Variants in ADAM28 observed in about 807,000 individuals in gnomAD.
ADAM28 encodes ADAM metallopeptidase domain 28.
A neutral mutation model predicts 101.2 loss-of-function variants in ADAM28; 105 were observed. That is an observed-to-expected ratio of 1.04 (90% CI 0.89 to 1.22). ADAM28 has a LOEUF of 1.22. ADAM28 is among the 50% of genes most tolerant of loss of function. ADAM28 has a pLI of 0.00. For synonymous variants in ADAM28, 322 were observed against 310.6 expected, an observed-to-expected ratio of 1.04 and a Z score of -0.39; for missense variants, 1,028 against 945.4, an observed-to-expected ratio of 1.09 and a Z score of -1.15.
chr8:24,315,413 G>A (rs1811035738), intron 6 of ADAM28, among the ~76,000 whole-genome samples: 1 of 151,894 alleles, frequency 6.6e-6, no homozygotes, highest in South Asian at 2.1e-4. Flanking sequence ...TGATAGCCTA[G>A]AGAAAATAGA....
At chr8:24,345,247 A>G (rs28510930) in intron 18 of ADAM28, among the ~76,000 whole-genome samples, 32,602 of 151,758 alleles carry the variant, frequency 0.21, 4,083 homozygotes, top group East Asian at 0.35. Flanking sequence ...TTTTTCTTCC[A>G]TTGAAGAAAT....
rs752612235 is a variant in ADAM28 at position 24,351,214 on chromosome 8, T to G, written c.2100-18T>G. 6.5e-7 allele frequency: 1 copy of G among 1,538,110 alleles called. No homozygotes were observed. The highest frequency in any genetic ancestry group is 8.7e-7 in the Non-Finnish European group (1 of 1,143,690). Reference sequence around the variant, plus strand: ...GGAGCTGCTAAGTCAATTGATATCATGTGTTTCTCTCTTACAGGCCACTAT... The same window carrying G: ...GGAGCTGCTAAGTCAATTGATATCAGGTGTTTCTCTCTTACAGGCCACTAT... On this transcript the variant is annotated intron_variant, in intron 19 of 22. Transcript: ENST00000265769.
chr8:24,315,063 T>C (rs1167528072), intron 6 of ADAM28, among the ~76,000 whole-genome samples: 1 of 151,714 alleles, frequency 6.6e-6, no homozygotes, highest in African/African-American at 2.4e-5. Context: ...AAAATGGCAG[T>C]AGGAGATCCT....
chr8:24,348,640 T>G (rs184324952), intron 18 of ADAM28, among the ~76,000 whole-genome samples: 124 of 152,304 alleles, frequency 8.1e-4, no homozygotes, highest in African/African-American at 2.9e-3. Context: ...ATTAAAAGAT[T>G]ATTTTTAATG....
chr8:24,324,033 T>C, intron 9 of ADAM28, 30 bp downstream of exon 9: 1 of 1,603,676 alleles, frequency 6.2e-7, no homozygotes. Context: ...CATTGCACAC[T>C]ATGTGGTATT....
At chr8:24,302,828 G>A (rs1808985208) in intron 2 of ADAM28, among the ~76,000 whole-genome samples, 1 of 151,768 alleles carries the variant, frequency 6.6e-6, no homozygotes, top group Admixed American at 6.6e-5. Context: ...GTGCAGGTTT[G>A]TTACATATAT....
intron 2 of ADAM28, among the ~76,000 whole-genome samples, chr8:24,303,816 C>T (rs1227406051): frequency 6.6e-6 from 1 of 152,044 alleles, no homozygotes; most frequent in African/African-American, 2.4e-5. Context: ...TTCTGATTTC[C>T]TTAAGCAGTG....
intron 22 of ADAM28, 147 bp downstream of exon 22, chr8:24,353,979 T>A: frequency 1.8e-6 from 1 of 562,490 alleles, no homozygotes; most frequent in Non-Finnish European, 3.1e-6. Context: ...AAGTCTTATT[T>A]CTCGGTATGG....
Position 24,313,541 on chromosome 8 carries a change from T to C in ADAM28, c.537T>C (p.Asp179=). 6.2e-7 allele frequency: 1 copy of C among 1,613,754 alleles called. No homozygotes were observed. The highest frequency in any genetic ancestry group is 8.5e-7 in the Non-Finnish European group (1 of 1,179,802). The change falls in exon 6 of 23, where the codon GAT becomes GAC. Residue 179 remains aspartate (D), a synonymous_variant. Coordinates refer to ENST00000265769, the MANE Select transcript of ADAM28 (RefSeq NM_014265.6). The part of the protein sequence containing the change: ...CGMDGVLWAH[D]LQQNIALPAT... ...TGGATGGTGTGTTGTGGGCCCACGA[T>C]TTGCAGCAGAACATTGCCCTACCTG...
Position 24,309,958 on chromosome 8 carries a change from T to A in ADAM28, c.215T>A (p.Leu72Ter), listed in dbSNP as rs755896577. Reference protein sequence around the residue: ...TINGKIAVLYLKKNKNLLAPG... With the variant: ...TINGKIAVLY ...AATGGAAAAATTGCAGTGCTTTATT[T>A]GAAAAAAAACAAGTAAGTATCTTTA... The change falls in exon 3 of 23, where the codon TTG (leucine) becomes TAG (stop). Residue 72 changes from leucine (L) to a stop codon, truncating the protein, a stop_gained. Transcript: ENST00000265769. LOFTEE classifies it high-confidence loss of function. The A allele has an allele frequency of 2.8e-5, 44 of 1,564,196 alleles. No homozygotes were observed. In the South Asian group the frequency reaches 4.9e-4, roughly 18 times the overall value.
At position 24,357,818 on chromosome 8, in the gene ADAM28, C is replaced by G. The variant is rs918978698; in HGVS notation, c.*3414C>G. ...CCATTTGTTCTCCCTTCTTTACTAG[C>G]ACCGAGGATTTGCTTGAAATCTCTG... On this transcript the variant is annotated 3_prime_UTR_variant, in exon 23 of 23. Coordinates refer to ENST00000265769, the MANE Select transcript of ADAM28 (RefSeq NM_014265.6). 1.3e-5 allele frequency: 2 copies of G among 152,132 alleles called. No homozygotes were observed. The highest frequency in any genetic ancestry group is 6.6e-5 in the Admixed American group (1 of 15,262). 9.4% of individuals were successfully genotyped at this position (152,132 alleles called of 1,614,324 possible). A position where few individuals can be genotyped will look rare whatever the true frequency, so the allele number is the denominator to read the frequency against.
chr8:24,320,160 A>G (rs1811676667), intron 6 of ADAM28, 76 bp from the exon 7 acceptor site: 1 of 1,088,592 alleles, frequency 9.2e-7, no homozygotes, highest in South Asian at 1.3e-5. Context: ...TGCTTATAAA[A>G]TTACAGATGT....
intron 1 of ADAM28, 188 bp from the exon 2 acceptor site, chr8:24,299,786 T>A: frequency 2.2e-6 from 1 of 461,640 alleles, no homozygotes; most frequent in Non-Finnish European, 3.9e-6. Context: ...AGTAAAACTT[T>A]AAGAGGAAAG....
At position 24,321,247 on chromosome 8, in the gene ADAM28, G is replaced by A; in HGVS notation, c.678G>A (p.Glu226=). The A allele has an allele frequency of 6.2e-7, 1 of 1,607,334 alleles. No homozygotes were observed. Among genetic ancestry groups the A allele is most frequent in the Non-Finnish European group, 8.5e-7 (1 of 1,174,532 alleles). Residue 226 remains glutamate (E), a synonymous_variant, in exon 8 of 23, where the codon GAG becomes GAA. Transcript: ENST00000265769. ...AAAGGTACAATGAGAATCAAGATGAGATCAGAAAGAGGGTATTTGAGATGG... is the reference window on the plus strand; with the variant it reads ...AAAGGTACAATGAGAATCAAGATGAAATCAGAAAGAGGGTATTTGAGATGG... ...EFKRYNENQD[E]IRKRVFEMAN...
At position 24,330,960 on chromosome 8, in the gene ADAM28, T is replaced by C. The variant is rs1813282992; in HGVS notation, c.1104-190T>C. Among the ~76,000 whole-genome samples, 5 of 152,252 alleles carry C rather than the reference T, an allele frequency of 3.3e-5. No homozygotes were observed. The South Asian group carries it at 1.0e-3, about 32-fold the overall frequency. The stretch of plus-strand genomic sequence containing the variant: ...TGGATGCTACACATTGAAATATGAC[T>C]ATATTTTCTCATGAAGTTGGAGGTG... On this transcript the variant is annotated intron_variant, in intron 11 of 22. Transcript: ENST00000265769.
chr8:24,308,150 A>G (rs1033321900), intron 2 of ADAM28, among the ~76,000 whole-genome samples: 5 of 152,214 alleles, frequency 3.3e-5, no homozygotes, highest in African/African-American at 1.2e-4. Context: ...CAGTAAAACC[A>G]AAATCATTTC....
intron 21 of ADAM28, 29 bp from the exon 22 acceptor site, chr8:24,353,741 C>A (rs1816442738): frequency 1.5e-6 from 2 of 1,329,528 alleles, no homozygotes; most frequent in Non-Finnish European, 2.2e-6. Context: ...ATTTCTAATG[C>A]CATACCATTG....
intron 6 of ADAM28, among the ~76,000 whole-genome samples, chr8:24,318,024 T>A (rs62502727): frequency 0.12 from 17,808 of 151,948 alleles, 1,095 homozygotes; most frequent in East Asian, 0.25. Context: ...ATGCTGGTCG[T>A]TGGTTGGAGA....
intron 6 of ADAM28, among the ~76,000 whole-genome samples, chr8:24,318,414 A>G (rs1408353223): frequency 6.6e-6 from 1 of 151,942 alleles, no homozygotes; most frequent in Non-Finnish European, 1.5e-5. Flanking sequence ...ATCTTTATCT[A>G]TACATTCTTC....
Sources: allele counts gnomAD v4.1 joint callset (sites outside exome capture counted in the v4.1 genomes callset), GRCh38; gene constraint gnomAD v4.1.1; transcripts MANE v1.5; gene names NCBI Gene and HGNC (gene_info 2026-07-23, HGNC 2026-07-21).